The following DSCAM variants were observed in gnomAD, a reference collection of about 807,000 sequenced individuals.
DSCAM encodes the protein DS cell adhesion molecule.
A neutral mutation model predicts 217.7 loss-of-function variants in DSCAM; 47 were observed. The observed-to-expected ratio is 0.22, with a 90% CI of 0.17 to 0.28. DSCAM has a LOEUF of 0.28. Ranked by LOEUF, DSCAM falls within the 10% of genes least tolerant of loss-of-function variation. The pLI is 1.00. For synonymous variants in DSCAM, 1,056 were observed against 1,015.3 expected (o/e 1.04, Z -0.76); for missense variants, 2,080 against 2,618.3 (o/e 0.79, Z 4.49).
intron 1 of DSCAM, among the ~76,000 whole-genome samples, chr21:40,762,119 A>G (rs534867427): frequency 6.6e-6 from 1 of 152,360 alleles, no homozygotes; most frequent in Admixed American, 6.5e-5. Flanking sequence ...TCAGAGCAGA[A>G]CTGAAGGAGT....
At chr21:40,301,757 G>C (rs2074018902) in intron 9 of DSCAM, among the ~76,000 whole-genome samples, 1 of 152,196 alleles carries the variant, frequency 6.6e-6, no homozygotes, top group Non-Finnish European at 1.5e-5. Context: ...ACTATGCGTT[G>C]AAAGGACACA....
chr21:40,085,201 A>G (rs2089515643), intron 23 of DSCAM, among the ~76,000 whole-genome samples: 1 of 152,232 alleles, frequency 6.6e-6, no homozygotes, highest in Non-Finnish European at 1.5e-5. Flanking sequence ...TGCATATAAA[A>G]ATTGAGTTAA....
rs543627739 is a variant in DSCAM, at chr21:40,363,377, T to C, written c.655+5722A>G. 9.9e-5 allele frequency among the ~76,000 whole-genome samples: 15 copies of C among 150,774 alleles called. 1 individual carries two copies. The highest frequency in any genetic ancestry group is 3.3e-4 in the Admixed American group (5 of 15,000). Reference sequence around the variant, plus strand: ...AAGCAATTCTCCTGCCTCAGCCTCCTGAGTAGCTGGGATTACAGGCACCCA... The same window carrying C: ...AAGCAATTCTCCTGCCTCAGCCTCCCGAGTAGCTGGGATTACAGGCACCCA... On this transcript the variant is annotated intron_variant, in intron 4 of 32. Transcript: ENST00000400454.
intron 3 of DSCAM, among the ~76,000 whole-genome samples, chr21:40,461,767 G>A (rs1030813903): frequency 1.3e-5 from 2 of 152,140 alleles, no homozygotes; most frequent in Non-Finnish European, 2.9e-5. Context: ...CAGAGCCGGC[G>A]ATGCAATGTG....
intron 13 of DSCAM, 57 bp from the exon 14 acceptor site, chr21:40,187,316 G>T (rs1033845819): frequency 2.5e-6 from 4 of 1,599,816 alleles, no homozygotes; most frequent in Non-Finnish European, 3.4e-6. Flanking sequence ...GACATAAAAC[G>T]CTAGTGGAAA....
At chr21:40,228,261 C>T (rs445018) in intron 11 of DSCAM, among the ~76,000 whole-genome samples, 78,829 of 151,946 alleles carry the variant, frequency 0.52, 21,608 homozygotes, top group African/African-American at 0.7. Flanking sequence ...CTTTCCATGT[C>T]GTCCTTTCTG....
chr21:40,643,951 T>A (rs2089913380), intron 3 of DSCAM, among the ~76,000 whole-genome samples: 2 of 152,210 alleles, frequency 1.3e-5, no homozygotes, highest in Admixed American at 6.5e-5. Flanking sequence ...AACAGACTAA[T>A]CCATGCTTCA....
At chr21:40,824,798 C>T (rs1410056228) in intron 1 of DSCAM, among the ~76,000 whole-genome samples, 1 of 152,170 alleles carries the variant, frequency 6.6e-6, no homozygotes, top group African/African-American at 2.4e-5. Flanking sequence ...CACCCGGGGA[C>T]TTCCCTCATT....
intron 3 of DSCAM, among the ~76,000 whole-genome samples, chr21:40,479,099 T>G (rs958182487): frequency 2.6e-4 from 40 of 152,342 alleles, no homozygotes; most frequent in Middle Eastern, 3.4e-3. Context: ...TGCCAGGTGC[T>G]GTGCTAAGTG....
intron 3 of DSCAM, among the ~76,000 whole-genome samples, chr21:40,686,289 T>TCACACACCATACACGGCA (rs1350016769): frequency 7.7e-6 from 1 of 130,424 alleles, no homozygotes; most frequent in African/African-American, 3.0e-5. Flanking sequence ...CATACAGAGC[T>TCACACACCATACACGGCA]CACACACCAT....
intron 3 of DSCAM, among the ~76,000 whole-genome samples, chr21:40,690,346 A>C (rs1221876994): frequency 6.6e-6 from 1 of 152,180 alleles, no homozygotes; most frequent in East Asian, 1.9e-4. Context: ...TTACAAGGTC[A>C]TTTTTAGTGA....
At chr21:40,472,014 A>G (rs933462634) in intron 3 of DSCAM, among the ~76,000 whole-genome samples, 4 of 152,032 alleles carry the variant, frequency 2.6e-5, no homozygotes, top group African/African-American at 9.7e-5. Context: ...TCATTGTTCA[A>G]TTCCCACCTA....
intron 32 of DSCAM, among the ~76,000 whole-genome samples, chr21:40,036,860 A>G (rs1200152977): frequency 6.7e-6 from 1 of 150,052 alleles, no homozygotes; most frequent in Non-Finnish European, 1.5e-5. Flanking sequence ...GGCTGGTTCA[A>G]TATACACATA....
At chr21:40,316,607 G>C (rs1279237913) in intron 8 of DSCAM, among the ~76,000 whole-genome samples, 1 of 152,142 alleles carries the variant, frequency 6.6e-6, no homozygotes, top group Non-Finnish European at 1.5e-5. Flanking sequence ...GTAAAAGCTT[G>C]TATATCATAG....
chr21:40,183,119 T>C (rs1198396480), intron 14 of DSCAM, among the ~76,000 whole-genome samples: 1 of 64,796 alleles, frequency 1.5e-5, no homozygotes, highest in East Asian at 3.1e-4. Flanking sequence ...AGAGAAACCG[T>C]GGACAGGAGA....
rs1019843715 is a variant in DSCAM at position 40,369,301 on chromosome 21, CACAG to C, written c.509-60_509-57del. 226 of 1,544,938 alleles carry C rather than the reference CACAG, an allele frequency of 1.5e-4. 1 individual carries two copies. Among genetic ancestry groups the C allele is most frequent in the Middle Eastern group, 8.2e-4 (4 of 4,898 alleles). ...AAAGACAATGAAAGCAACCCAACCA[CACAG>C]ACAAAGTCCTTAAACAGTTTTTTTT... On this transcript the variant is annotated intron_variant, in intron 3 of 32. Coordinates refer to ENST00000400454, the MANE Select transcript of DSCAM (RefSeq NM_001389.5).
intron 32 of DSCAM, among the ~76,000 whole-genome samples, chr21:40,019,753 A>G (rs536289105): frequency 6.6e-6 from 1 of 152,308 alleles, no homozygotes; most frequent in East Asian, 1.9e-4. Flanking sequence ...GTGTAAATCT[A>G]TCATTGCCAT....
chr21:40,382,873 C>T (rs2075040915), intron 3 of DSCAM, among the ~76,000 whole-genome samples: 1 of 152,208 alleles, frequency 6.6e-6, no homozygotes, highest in Admixed American at 6.5e-5. Context: ...AGCAACTGCC[C>T]ATCATATGCA....
At chr21:40,492,541 G>A (rs1243579381) in intron 3 of DSCAM, among the ~76,000 whole-genome samples, 1 of 150,480 alleles carries the variant, frequency 6.6e-6, no homozygotes, top group Admixed American at 6.6e-5. Context: ...CAGTGAGATT[G>A]ACATTTTTTT....
Sources: gnomAD v4.1 joint callset for allele counts (sites outside exome capture counted in the v4.1 genomes callset) on GRCh38, gnomAD v4.1.1 for gene constraint, MANE v1.5 for transcripts, NCBI Gene and HGNC (gene_info 2026-07-23, HGNC 2026-07-21) for gene names.